The following HLCS variants were observed in gnomAD, a reference collection of about 807,000 sequenced individuals.
HLCS encodes holocarboxylase synthetase, also known as biotin--protein ligase.
HLCS carries 53 observed loss-of-function variants against 75.0 expected under a neutral mutation model. That is an observed-to-expected ratio of 0.71 (90% CI 0.57 to 0.89). The LOEUF (loss-of-function observed/expected upper bound fraction) is 0.89. Ranked by LOEUF, HLCS falls within the 40% of genes least tolerant of loss-of-function variation. The pLI is 0.00. For synonymous variants in HLCS, 431 were observed against 428.6 expected, an observed-to-expected ratio of 1.01 and a Z score of -0.07; for missense variants, 966 against 1,074.0, an observed-to-expected ratio of 0.90 and a Z score of 1.41.
Position 36,930,236 on chromosome 21 carries a change from G to C in HLCS, c.1620+15C>G, listed in dbSNP as rs768170021. 4.3e-6 allele frequency: 7 copies of C among 1,609,688 alleles called. No homozygotes were observed. The highest frequency in any genetic ancestry group is 5.9e-6 in the Non-Finnish European group (7 of 1,176,700). ...ACGTCACAGCGCGCTCTGCCCAGCTGAGCCCACAACTCACCTCCGCAGCTG... is the reference window on the plus strand; with the variant it reads ...ACGTCACAGCGCGCTCTGCCCAGCTCAGCCCACAACTCACCTCCGCAGCTG... On this transcript the variant is annotated intron_variant, in intron 5 of 10. Transcript: ENST00000674895.
chr21:36,904,503 A>T (rs1372011249), intron 5 of HLCS, among the ~76,000 whole-genome samples: 3 of 152,212 alleles, frequency 2.0e-5, no homozygotes, highest in South Asian at 2.1e-4. Flanking sequence ...AGAATCTAAA[A>T]GGTATCAAAT....
At chr21:36,967,485 C>T (rs1214656789), upstream of HLCS, among the ~76,000 whole-genome samples, 1 of 152,168 alleles carries the variant, frequency 6.6e-6, no homozygotes, top group East Asian at 1.9e-4. Flanking sequence ...AAAACATCAC[C>T]ATGATTTGGT....
chr21:36,889,914 T>G (rs1404306426), intron 6 of HLCS, among the ~76,000 whole-genome samples: 1 of 152,118 alleles, frequency 6.6e-6, no homozygotes, highest in East Asian at 1.9e-4. Context: ...ACAAATCTCA[T>G]CTTGAATTAT....
At chr21:36,913,989 G>GAAGGGGTGCCA (rs1429469357) in intron 5 of HLCS, among the ~76,000 whole-genome samples, 3 of 152,198 alleles carry the variant, frequency 2.0e-5, no homozygotes, top group Admixed American at 1.3e-4. Flanking sequence ...CAAGAACAAG[G>GAAGGGGTGCCA]AAGGGGTGCC....
In HLCS at chr21:36,896,878, G is replaced by A. The variant is rs748265752; in HGVS notation, c.1874C>T (p.Thr625Met). Residue 625 changes from threonine (T) to methionine (M), a missense_variant, in exon 6 of 11, where the codon ACG becomes ATG. Physicochemically the swap from Thr to Met is moderately conservative, Grantham distance 81. Coordinates refer to ENST00000674895, the MANE Select transcript of HLCS (RefSeq NM_001352514.2). ...VILFAEVTPT[T>M]MRLLDGLMFQ... ...ACCTTACCCATCCAGGAGACGCATC[G>A]TTGTGGGGGTCACTTCGGCAAACAA... 8 of 1,613,996 alleles carry A rather than the reference G, an allele frequency of 5.0e-6. No homozygotes were observed. The highest frequency in any genetic ancestry group is 4.0e-5 in the African/African-American group (3 of 74,926).
chr21:36,797,118 C>T (rs548989795), intron 6 of HLCS, among the ~76,000 whole-genome samples: 10 of 152,068 alleles, frequency 6.6e-5, no homozygotes, highest in Non-Finnish European at 1.3e-4. Context: ...CCACCCGCCT[C>T]GGCCTCTCAA....
At chr21:36,870,590 T>C (rs1292410182) in intron 6 of HLCS, among the ~76,000 whole-genome samples, 1 of 152,202 alleles carries the variant, frequency 6.6e-6, no homozygotes, top group East Asian at 1.9e-4. Flanking sequence ...AGGATTTTCA[T>C]CTCAGCTTTC....
At chr21:36,809,505 A>C (rs2061450812) in intron 6 of HLCS, among the ~76,000 whole-genome samples, 1 of 152,088 alleles carries the variant, frequency 6.6e-6, no homozygotes, top group Non-Finnish European at 1.5e-5. Context: ...GAAATTTTTT[A>C]GCTATTATTT....
chr21:36,938,683 T>A, intron 3 of HLCS, 149 bp downstream of exon 3: 1 of 760,240 alleles, frequency 1.3e-6, no homozygotes, highest in African/African-American at 1.7e-5. Flanking sequence ...GTTTGTTTGT[T>A]TTTTTGGAGA....
intron 5 of HLCS, among the ~76,000 whole-genome samples, chr21:36,915,985 T>C (rs2065911478): frequency 6.6e-6 from 1 of 152,134 alleles, no homozygotes; most frequent in African/African-American, 2.4e-5. Flanking sequence ...AAATAAAATG[T>C]GCTTACTAAA....
At position 36,759,769 on chromosome 21, in the gene HLCS, C is replaced by G. The variant is rs754271379; in HGVS notation, c.2194G>C (p.Val732Leu). 6.2e-7 allele frequency: 1 copy of G among 1,613,316 alleles called. No homozygotes were observed. Among genetic ancestry groups the G allele is most frequent in the Non-Finnish European group, 8.5e-7 (1 of 1,179,248 alleles). ...SDLMKIGGVLVNSTLMGETFY... is the reference protein window; with the variant it reads ...SDLMKIGGVLLNSTLMGETFY... ...GTTTCTCCCATGAGTGTTGAGTTAACCAGAACTCCGCCGATCTTCATGAGG... is the reference window on the plus strand; with the variant it reads ...GTTTCTCCCATGAGTGTTGAGTTAAGCAGAACTCCGCCGATCTTCATGAGG... The change falls in exon 9 of 11, where the codon GTT becomes CTT. Residue 732 changes from valine (V) to leucine (L), a missense_variant. Physicochemically the swap from Val to Leu is conservative, Grantham distance 32. Coordinates refer to ENST00000674895, the MANE Select transcript of HLCS (RefSeq NM_001352514.2).
At chr21:36,858,240 C>T (rs1019692746) in intron 6 of HLCS, among the ~76,000 whole-genome samples, 1 of 152,148 alleles carries the variant, frequency 6.6e-6, no homozygotes, top group African/African-American at 2.4e-5. Context: ...TCCTCTCCTC[C>T]TCATTCATAT....
chr21:36,898,230 C>G, intron 5 of HLCS, among the ~76,000 whole-genome samples: 1 of 151,558 alleles, frequency 6.6e-6, no homozygotes, highest in East Asian at 1.9e-4. Context: ...CAGATCACCT[C>G]AGGTCAGTAG....
intron 5 of HLCS, among the ~76,000 whole-genome samples, chr21:36,921,189 G>A (rs1168339448): frequency 6.6e-6 from 1 of 152,216 alleles, no homozygotes; most frequent in Non-Finnish European, 1.5e-5. Context: ...GCTCACGCCT[G>A]TAATCCCAGC....
At position 36,956,071 on chromosome 21, in the gene HLCS, C is replaced by T. The variant is rs918862177; in HGVS notation, c.330+5965G>A. Among the ~76,000 whole-genome samples, 10 of 152,248 alleles carry T rather than the reference C, an allele frequency of 6.6e-5. 1 individual carries two copies. The South Asian group carries it at 8.3e-4, about 13-fold the overall frequency. On this transcript the variant is annotated intron_variant, in intron 2 of 10. Coordinates refer to ENST00000674895, the MANE Select transcript of HLCS (RefSeq NM_001352514.2). Reference sequence around the variant, plus strand: ...TTTGCATGATGAAATCACCTAAGGACGCATTTCTCACAATGTGTATCTGTC... The same window carrying T: ...TTTGCATGATGAAATCACCTAAGGATGCATTTCTCACAATGTGTATCTGTC...
intron 8 of HLCS, among the ~76,000 whole-genome samples, chr21:36,762,953 G>A (rs527531854): frequency 3.9e-5 from 6 of 152,302 alleles, no homozygotes; most frequent in South Asian, 4.1e-4. Context: ...TAATGTTCTC[G>A]GCTTAGTGTT....
intron 10 of HLCS, 69 bp downstream of exon 10, chr21:36,756,473 A>T: frequency 1.4e-6 from 1 of 728,542 alleles, no homozygotes; most frequent in Non-Finnish European, 2.3e-6. Context: ...AAAAAAAAAA[A>T]AAAAAGATAC....
intron 6 of HLCS, among the ~76,000 whole-genome samples, chr21:36,882,840 A>G (rs918716479): frequency 2.6e-5 from 4 of 152,040 alleles, no homozygotes; most frequent in Middle Eastern, 3.2e-3. Context: ...AAACTCTATT[A>G]GCATCAAGGT....
intron 6 of HLCS, among the ~76,000 whole-genome samples, chr21:36,884,925 G>A (rs988941005): frequency 6.6e-6 from 1 of 152,070 alleles, no homozygotes; most frequent in African/African-American, 2.4e-5. Context: ...AAGGGACTGC[G>A]AAAATGTTCA....
Sources: allele counts gnomAD v4.1 joint callset (sites outside exome capture counted in the v4.1 genomes callset), GRCh38; gene constraint gnomAD v4.1.1; transcripts MANE v1.5; gene names NCBI Gene and HGNC (gene_info 2026-07-23, HGNC 2026-07-21).